Variants in PLCH2 observed in about 807,000 individuals in gnomAD.
PLCH2 encodes phospholipase C eta 2, also known as 1-phosphatidylinositol 4,5-bisphosphate phosphodiesterase eta-2.
In PLCH2, 98 loss-of-function variants were observed where a neutral mutation model predicts 134.7. The observed-to-expected ratio is 0.73, with a 90% CI of 0.62 to 0.86. The LOEUF (loss-of-function observed/expected upper bound fraction) is 0.86. Among genes scored for constraint, PLCH2 ranks in the 40% least tolerant of loss-of-function variants. The pLI is 0.00. For missense variants in PLCH2, 1,994 were observed against 1,986.6 expected (o/e 1.00, Z -0.07); for synonymous variants, 974 against 827.5 (o/e 1.18, Z -3.04).
Position 2,498,421 on chromosome 1 carries a change from C to G in PLCH2, c.2225-102C>G. ...CTCCCCCTGGCACCGGCTCCAGTCT[C>G]CTATGTGGGGGCTGGGGAGGGGGCT... is the stretch of plus-strand genomic sequence containing the variant. On this transcript the variant is annotated intron_variant, in intron 16 of 21. Coordinates refer to ENST00000378486, the MANE Select transcript of PLCH2 (RefSeq NM_014638.4). This position sits in a 1 kb window ranked among gnomAD's most constrained non-coding sequence, Gnocchi z 5.4. The G allele has an allele frequency of 2.2e-6, 3 of 1,379,088 alleles. No individual in the cohort carries two copies. Among genetic ancestry groups the G allele is most frequent in the Non-Finnish European group, 3.0e-6 (3 of 1,014,502 alleles). The allele number at this position is 1,379,088 out of a possible 1,614,324, so 85.4% of individuals were successfully genotyped here. A position where few individuals can be genotyped will look rare whatever the true frequency, so the allele number is the denominator to read the frequency against.
chr1:2,465,825 C>T (rs1025446155), upstream of PLCH2, among the ~76,000 whole-genome samples: 1 of 152,136 alleles, frequency 6.6e-6, no homozygotes, highest in Non-Finnish European at 1.5e-5. Flanking sequence ...GTTTCACCGG[C>T]CTCTGGAAGG....
At chr1:2,457,713 G>A (rs4648846) in intron 2 of PLCH2, among the ~76,000 whole-genome samples, 45,231 of 151,544 alleles carry the variant, frequency 0.3, 7,503 homozygotes, top group East Asian at 0.45. Flanking sequence ...CCCCAAAGGC[G>A]AAGGTGGCTC....
At chr1:2,446,447 G>T (rs566258347) in intron 2 of PLCH2, among the ~76,000 whole-genome samples, 325 of 152,322 alleles carry the variant, frequency 2.1e-3, no homozygotes, top group Non-Finnish European at 2.6e-3. Flanking sequence ...CCAGGCAGAA[G>T]CAGGAGCTGT....
intron 2 of PLCH2, among the ~76,000 whole-genome samples, chr1:2,452,788 C>T (rs1319784230): frequency 2.0e-5 from 3 of 152,220 alleles, no homozygotes; most frequent in East Asian, 1.9e-4. Context: ...CTTGGCCAGT[C>T]GCTGTCCTCA....
Position 2,505,204 on chromosome 1 carries a change from C to A in PLCH2, c.4242C>A (p.Leu1414=). 1.3e-6 allele frequency: 2 copies of A among 1,568,764 alleles called. No individual in the cohort carries two copies. The highest frequency in any genetic ancestry group is 1.7e-6 in the Non-Finnish European group (2 of 1,167,092). The change falls in exon 22 of 22, where the codon CTC becomes CTA. Residue 1414 remains leucine (L), a synonymous_variant. Transcript: ENST00000378486. ...CGGCTGCTGAAAACCTGGTCCTGCTCCGCCTCTGACCGTCAGTGGTGGGAA... is the reference window on the plus strand; with the variant it reads ...CGGCTGCTGAAAACCTGGTCCTGCTACGCCTCTGACCGTCAGTGGTGGGAA... ...ASAAAENLVL[L]RL
At chr1:2,442,690 G>A (rs187114035) in intron 2 of PLCH2, among the ~76,000 whole-genome samples, 145 of 152,344 alleles carry the variant, frequency 9.5e-4, no homozygotes, top group African/African-American at 3.5e-3. Context: ...GCTGCCCTAG[G>A]GTGAACGCTG....
chr1:2,440,890 C>A lies in PLCH2; in HGVS notation c.115+10261C>A, dbSNP rs566520903. On this transcript the variant is annotated intron_variant, in intron 2 of 3. Coordinates refer to the PLCH2 transcript ENST00000609981. ...TCCCTGGTGCTTGGCCACGTCCCCC[C>A]GGGAACGGAAGGCTGTGGGTCTTTC... 2.6e-5 allele frequency among the ~76,000 whole-genome samples: 4 copies of A among 152,352 alleles called. No individual in the cohort carries two copies. In the East Asian group the frequency reaches 7.7e-4, roughly 29 times the overall value.
chr1:2,485,644 G>A (rs1383017871), intron 5 of PLCH2, among the ~76,000 whole-genome samples: 5 of 151,868 alleles, frequency 3.3e-5, no homozygotes, highest in Non-Finnish European at 5.9e-5. Context: ...TCAGCCTGGG[G>A]GTGCTGCTTA....
At chr1:2,441,025 G>A (rs1005630161) in intron 2 of PLCH2, among the ~76,000 whole-genome samples, 1 of 152,220 alleles carries the variant, frequency 6.6e-6, no homozygotes, top group Non-Finnish European at 1.5e-5. Context: ...CCGGGAAAGG[G>A]GGTGCAGATG....
rs2100753798 is a variant in PLCH2, at chr1:2,504,731, CT to C, written c.3770del (p.Leu1257ArgfsTer20). ...DCPVAAKSKSLGDLTADDFAP... is the reference protein window; with the variant it reads ...DCPVAAKSKSXGDLTADDFAP... Reference sequence around the variant, plus strand: ...CCCCGTGGCTGCCAAGTCCAAGAGCCTGGGCGACCTCACTGCTGATGACTTT... The same window carrying C: ...CCCCGTGGCTGCCAAGTCCAAGAGCCGGGCGACCTCACTGCTGATGACTTT... On this transcript the variant is annotated frameshift_variant, in exon 22 of 22. Transcript: ENST00000378486. LOFTEE classifies it high-confidence loss of function. The C allele has an allele frequency of 6.2e-7, 1 of 1,612,590 alleles. No individual in the cohort carries two copies. The highest frequency in any genetic ancestry group is 2.2e-5 in the East Asian group (1 of 44,878).
chr1:2,469,435 G>A (rs1435409866), intron 1 of PLCH2, among the ~76,000 whole-genome samples: 2 of 152,252 alleles, frequency 1.3e-5, no homozygotes, highest in Non-Finnish European at 2.9e-5. Context: ...GCCGAGGACG[G>A]AGCAGATGGG....
chr1:2,479,696 C>G (rs1641845797), intron 2 of PLCH2, 38 bp from the exon 3 acceptor site: 2 of 1,512,466 alleles, frequency 1.3e-6, no homozygotes, highest in South Asian at 2.5e-5. Flanking sequence ...ACGCTGGGCC[C>G]CCGGGGACCT....
chr1:2,467,515 G>C (rs969595407), exon 1 of PLCH2: 9 of 397,576 alleles, frequency 2.3e-5, no homozygotes, highest in Admixed American at 8.8e-5. Context: ...GGCTCTGCGC[G>C]CGGGGTGCCC....
At chr1:2,420,100 A>C in the PLCH2 span, among the ~76,000 whole-genome samples, 1 of 150,282 alleles carries the variant, frequency 6.7e-6, no homozygotes, top group Non-Finnish European at 1.5e-5. Flanking sequence ...ACTCCCCGCC[A>C]TCTCTGGTCA....
intron 1 of PLCH2, among the ~76,000 whole-genome samples, chr1:2,429,724 C>T (rs1638974964): frequency 6.6e-6 from 1 of 152,176 alleles, no homozygotes; most frequent in South Asian, 2.1e-4. Flanking sequence ...AGACCCTGGC[C>T]TCAGGAGTGA....
Position 2,444,128 on chromosome 1 carries a change from G to A in PLCH2, c.115+13499G>A, listed in dbSNP as rs1473897412. ...CGCGGTGGCACGGGCAGGGGTGCGG[G>A]CGCGGGACTGTGGGCGGGACGGGCG... is the stretch of plus-strand genomic sequence containing the variant. On this transcript the variant is annotated intron_variant, in intron 2 of 3. Coordinates refer to the PLCH2 transcript ENST00000609981. The surrounding 1 kb of genome is among the most constrained non-coding windows in gnomAD (Gnocchi z 4.6). 6.6e-6 allele frequency among the ~76,000 whole-genome samples: 1 copy of A among 152,196 alleles called. No homozygotes were observed. Among genetic ancestry groups the A allele is most frequent in the Non-Finnish European group, 1.5e-5 (1 of 68,012 alleles).
rs1384742700 is a variant in PLCH2, at chr1:2,502,394, A to G, written c.2944A>G (p.Ser982Gly). The G allele has an allele frequency of 6.5e-7, 1 of 1,543,542 alleles. No homozygotes were observed. Among genetic ancestry groups the G allele is most frequent in the East Asian group, 2.4e-5 (1 of 40,842 alleles). The change falls in exon 21 of 22, where the codon AGC (serine) becomes GGC (glycine). Residue 982 changes from serine to glycine, a missense_variant. Transcript: ENST00000378486. Reference sequence around the variant, plus strand: ...AGCCCCAGCCCAGGAGGGGCCCGGCAGCGGCAGCCCCCGAGGTAAGGCGCC... The same window carrying G: ...AGCCCCAGCCCAGGAGGGGCCCGGCGGCGGCAGCCCCCGAGGTAAGGCGCC... ...PEAPAQEGPGSGSPRDTRPLS... is the reference protein window; with the variant it reads ...PEAPAQEGPGGGSPRDTRPLS...
upstream of PLCH2, among the ~76,000 whole-genome samples, chr1:2,474,351 C>T (rs1641501569): frequency 6.6e-6 from 1 of 152,076 alleles, no homozygotes; most frequent in South Asian, 2.1e-4. Context: ...CCCTTTGGAC[C>T]TCAGGGCAGG....
At position 2,439,203 on chromosome 1, in the gene PLCH2, C is replaced by T. The variant is rs1001093128; in HGVS notation, c.115+8574C>T. Among the ~76,000 whole-genome samples the T allele has an allele frequency of 2.0e-5, 3 of 151,996 alleles. No homozygotes were observed. Among genetic ancestry groups the T allele is most frequent in the Admixed American group, 1.3e-4 (2 of 15,270 alleles). On this transcript the variant is annotated intron_variant, in intron 2 of 3. Transcript: ENST00000609981. This position sits in a 1 kb window ranked among gnomAD's most constrained non-coding sequence, Gnocchi z 4.7. ...TCAGAGAAAAGGGTGTGTCAGGCCTCAATGATTCCTAAGGGCAGGCAGTGC... is the reference window on the plus strand; with the variant it reads ...TCAGAGAAAAGGGTGTGTCAGGCCTTAATGATTCCTAAGGGCAGGCAGTGC...
Sources: gnomAD v4.1 joint callset for allele counts (sites outside exome capture counted in the v4.1 genomes callset) on GRCh38, gnomAD v4.1.1 for gene constraint, Gnocchi (gnomAD v3.1) non-coding constraint, MANE v1.5 for transcripts, NCBI Gene and HGNC (gene_info 2026-07-23, HGNC 2026-07-21) for gene names.